Variants in TMEM234 observed in about 807,000 individuals in gnomAD.
The protein encoded by TMEM234 is chromosome 1 open reading frame 91.
In TMEM234, 21 loss-of-function variants were observed where a neutral mutation model predicts 17.8. The observed-to-expected ratio is 1.18, with a 90% CI of 0.84 to 1.70. The LOEUF (loss-of-function observed/expected upper bound fraction) is 1.70. Among genes scored for constraint, TMEM234 ranks in the 40% most tolerant of loss-of-function variants. TMEM234 has a pLI of 0.00. For synonymous variants in TMEM234, 83 were observed against 73.5 expected (o/e 1.13, Z -0.66); for missense variants, 137 against 166.9 (o/e 0.82, Z 0.99).
In TMEM234 at chr1:32,221,070, C is replaced by T. The variant is rs1028838843; in HGVS notation, c.235+61G>A. ...GTGTTTCAAGCTCCACCCCGCCCCC[C>T]CCAATCACTCTTCCAGGTGGCCTCA... is the stretch of plus-strand genomic sequence containing the variant. On this transcript the variant is annotated intron_variant, in intron 3 of 4. Transcript: ENST00000309777. 3.5e-6 allele frequency: 5 copies of T among 1,442,074 alleles called. No homozygotes were observed. In the Admixed American group the frequency reaches 5.3e-5, roughly 15 times the overall value. The allele number at this position is 1,442,074 out of a possible 1,614,324, so 89.3% of individuals were successfully genotyped here. A position where few individuals can be genotyped will look rare whatever the true frequency, so the allele number is the denominator to read the frequency against.
intron 3 of TMEM234, chr1:32,217,726 T>C: frequency 2.6e-6 from 1 of 388,412 alleles, no homozygotes; most frequent in South Asian, 2.1e-5. Flanking sequence ...ATTAAGCACA[T>C]ACCATGGCCT....
At chr1:32,214,635 G>A, downstream of TMEM234, 4 of 981,104 alleles carry the variant, frequency 4.1e-6, no homozygotes, top group Non-Finnish European at 5.9e-6. Flanking sequence ...TCAGGCTGGT[G>A]GGAAGAGGCA....
Position 32,221,973 on chromosome 1 carries a change from G to T in TMEM234, c.62C>A (p.Thr21Lys). Residue 21 changes from threonine to lysine, a missense_variant, in exon 2 of 5, where the codon ACG becomes AAG. By Grantham distance (78) the Thr-to-Lys change is moderately conservative (BLOSUM62 -1). Coordinates refer to ENST00000309777, the MANE Select transcript of TMEM234 (RefSeq NM_019118.5). ...LVLVAALWGG[T>K]QPLLKRASAG... is the part of the protein sequence containing the mutation. ...GGAGGCCCGCTTCAGCAGCGGCTGC[G>T]TGCCACCCCACAGAGCGGCCACCAG... 3 of 1,612,746 alleles carry T rather than the reference G, an allele frequency of 1.9e-6. No homozygotes were observed. Among genetic ancestry groups the T allele is most frequent in the Non-Finnish European group, 1.7e-6 (2 of 1,179,872 alleles).
At position 32,217,065 on chromosome 1, in the gene TMEM234, T is replaced by C. The variant is rs1638455194; in HGVS notation, c.329-118A>G. On this transcript the variant is annotated intron_variant, in intron 4 of 4. Coordinates refer to ENST00000309777, the MANE Select transcript of TMEM234 (RefSeq NM_019118.5). Reference sequence around the variant, plus strand: ...GTCTTCAATCCCAAACCCCAGCCTCTGTCTTTCTCCAGACTGTCCAGGGGA... The same window carrying C: ...GTCTTCAATCCCAAACCCCAGCCTCCGTCTTTCTCCAGACTGTCCAGGGGA... 3.2e-6 allele frequency: 5 copies of C among 1,570,504 alleles called. No homozygotes were observed. The East Asian group carries it at 1.2e-4, about 37-fold the overall frequency.
At chr1:32,218,798 C>T (rs1638639600) in intron 3 of TMEM234, among the ~76,000 whole-genome samples, 1 of 151,990 alleles carries the variant, frequency 6.6e-6, no homozygotes, top group Admixed American at 6.6e-5. Flanking sequence ...ATTAGCCAGG[C>T]ATGGTGGTGC....
At chr1:32,222,181 G>T (rs1638987683) in intron 1 of TMEM234, 126 bp downstream of exon 1, 2 of 1,501,324 alleles carry the variant, frequency 1.3e-6, no homozygotes, top group Non-Finnish European at 8.9e-7. Context: ...AAGCTAGGGA[G>T]ATGAATCCAG....
At position 32,216,681 on chromosome 1, in the gene TMEM234, A is replaced by T. The variant is rs1400710372; in HGVS notation, c.*172T>A. Reference sequence around the variant, plus strand: ...CTGAACAGCACTTGAAGGTTACAAAACTCTTTCACTCTTGTTCTCTTATTG... The same window carrying T: ...CTGAACAGCACTTGAAGGTTACAAATCTCTTTCACTCTTGTTCTCTTATTG... On this transcript the variant is annotated 3_prime_UTR_variant, in exon 5 of 5. Coordinates refer to ENST00000309777, the MANE Select transcript of TMEM234 (RefSeq NM_019118.5). 4 of 1,491,400 alleles carry T rather than the reference A, an allele frequency of 2.7e-6. No individual in the cohort carries two copies. The highest frequency in any genetic ancestry group is 2.7e-6 in the Non-Finnish European group (3 of 1,116,212). 92.4% of individuals were successfully genotyped at this position (1,491,400 alleles called of 1,614,324 possible). A position where few individuals can be genotyped will look rare whatever the true frequency, so the allele number is the denominator to read the frequency against.
chr1:32,214,566 G>C (rs1643721585), downstream of TMEM234: 15 of 551,186 alleles, frequency 2.7e-5, 1 homozygote, highest in South Asian at 2.3e-4. Context: ...GGGAAGCACA[G>C]TCTGGTTTCA....
downstream of TMEM234, chr1:32,215,384 G>A: frequency 2.1e-6 from 3 of 1,451,166 alleles, no homozygotes; most frequent in Non-Finnish European, 2.8e-6. Context: ...GTCCAGGGCA[G>A]GAATGCTGAG....
downstream of TMEM234, chr1:32,215,454 T>C (rs1638299902): frequency 2.5e-6 from 4 of 1,612,806 alleles, no homozygotes; most frequent in Non-Finnish European, 3.4e-6. Flanking sequence ...TATAGGAGTA[T>C]ATGGAGCTCC....
intron 3 of TMEM234, among the ~76,000 whole-genome samples, chr1:32,220,348 G>C (rs1218383768): frequency 6.6e-6 from 1 of 152,026 alleles, no homozygotes; most frequent in Non-Finnish European, 1.5e-5. Context: ...AACTAATTTT[G>C]TTATTTTTAG....
At chr1:32,214,565 A>C (rs1283941312), downstream of TMEM234, 1 of 545,470 alleles carries the variant, frequency 1.8e-6, no homozygotes, top group Non-Finnish European at 3.2e-6. Flanking sequence ...GGGGAAGCAC[A>C]GTCTGGTTTC....
At position 32,216,212 on chromosome 1, in the gene TMEM234, A is replaced by T; in HGVS notation, c.*641T>A. The T allele has an allele frequency of 1.0e-6, 1 of 994,858 alleles. No homozygotes were observed. Among genetic ancestry groups the T allele is most frequent in the Non-Finnish European group, 1.4e-6 (1 of 694,128 alleles). The allele number at this position is 994,858 out of a possible 1,614,324, so 61.6% of individuals were successfully genotyped here. On this transcript the variant is annotated 3_prime_UTR_variant, in exon 5 of 5. Coordinates refer to ENST00000309777, the MANE Select transcript of TMEM234 (RefSeq NM_019118.5). The stretch of plus-strand genomic sequence containing the variant: ...TACTAACCTCTTGTCTGTTTACCAT[A>T]GATTTATTGACAGCTACTACTCGCC...
chr1:32,219,565 G>A (rs1047144633), intron 3 of TMEM234, among the ~76,000 whole-genome samples: 8 of 152,032 alleles, frequency 5.3e-5, no homozygotes, highest in Non-Finnish European at 1.2e-4. Context: ...GTTAATTTTC[G>A]TATTTTTGTT....
rs922497858 is a variant in TMEM234, at chr1:32,217,448, G to C, written c.236-97C>G. ...TCATCATTTCATACCTTTAAAAAAGGTATCAAAACCCCATCTTCCAGATGA... is the reference window on the plus strand; with the variant it reads ...TCATCATTTCATACCTTTAAAAAAGCTATCAAAACCCCATCTTCCAGATGA... On this transcript the variant is annotated intron_variant, in intron 3 of 4. Transcript: ENST00000309777. 2.5e-6 allele frequency: 4 copies of C among 1,573,578 alleles called. No homozygotes were observed. In the Middle Eastern group the frequency reaches 6.7e-4, roughly 264 times the overall value.
Position 32,216,748 on chromosome 1 carries a change from G to A in TMEM234, c.*105C>T. ...TGTTATCCCCATAAGAGAGGAGGAAGCTAAGGCCAGAGAGGGGAAGTGCTA... is the reference window on the plus strand; with the variant it reads ...TGTTATCCCCATAAGAGAGGAGGAAACTAAGGCCAGAGAGGGGAAGTGCTA... On this transcript the variant is annotated 3_prime_UTR_variant, in exon 5 of 5. Transcript: ENST00000309777. The A allele has an allele frequency of 6.5e-7, 1 of 1,529,890 alleles. No homozygotes were observed. The highest frequency in any genetic ancestry group is 8.8e-7 in the Non-Finnish European group (1 of 1,133,978). 94.8% of individuals were successfully genotyped at this position (1,529,890 alleles called of 1,614,324 possible).
At chr1:32,219,683 T>G (rs751572852) in intron 3 of TMEM234, among the ~76,000 whole-genome samples, 24 of 152,170 alleles carry the variant, frequency 1.6e-4, no homozygotes, top group Non-Finnish European at 3.2e-4. Flanking sequence ...CAGAGCTGCC[T>G]TCTTAAGTTT....
At chr1:32,215,517 A>C (rs774227457), downstream of TMEM234, 73 of 1,613,602 alleles carry the variant, frequency 4.5e-5, no homozygotes, top group Middle Eastern at 6.6e-4. Context: ...TGATGAAGAC[A>C]CTCAGACAGA....
In TMEM234 at chr1:32,220,979, G is replaced by A. The variant is rs1175622863; in HGVS notation, c.235+152C>T. The A allele has an allele frequency of 4.7e-6, 3 of 636,694 alleles. No individual in the cohort carries two copies. The Admixed American group carries it at 8.2e-5, about 17-fold the overall frequency. 39.4% of individuals were successfully genotyped at this position (636,694 alleles called of 1,614,324 possible). Reference sequence around the variant, plus strand: ...ATAACCAGCACACTGTGCCCCTCTTGTTCAGAGAAGAGGATAGTAAGAGGG... The same window carrying A: ...ATAACCAGCACACTGTGCCCCTCTTATTCAGAGAAGAGGATAGTAAGAGGG... On this transcript the variant is annotated intron_variant, in intron 3 of 4. Coordinates refer to ENST00000309777, the MANE Select transcript of TMEM234 (RefSeq NM_019118.5).
Sources: allele counts gnomAD v4.1 joint callset (sites outside exome capture counted in the v4.1 genomes callset), GRCh38; gene constraint gnomAD v4.1.1; transcripts MANE v1.5; gene names NCBI Gene and HGNC (gene_info 2026-07-23, HGNC 2026-07-21).